The following SLC4A4 variants were observed in gnomAD, a reference collection of about 807,000 sequenced individuals.
SLC4A4 encodes solute carrier family 4 member 4, also known as electrogenic sodium bicarbonate cotransporter 1.
A neutral mutation model predicts 111.5 loss-of-function variants in SLC4A4; 27 were observed. The observed-to-expected ratio is 0.24, with a 90% CI of 0.18 to 0.33. The LOEUF is 0.33. Among genes scored for constraint, SLC4A4 ranks in the 10% least tolerant of loss-of-function variants. SLC4A4 has a pLI of 1.00. For missense variants in SLC4A4, 909 were observed against 1,315.5 expected (o/e 0.69, Z 4.78); for synonymous variants, 443 against 463.4 (o/e 0.96, Z 0.57).
intron 3 of SLC4A4, among the ~76,000 whole-genome samples, chr4:71,327,337 G>A (rs534509694): frequency 2.6e-5 from 4 of 151,968 alleles, no homozygotes; most frequent in South Asian, 4.2e-4. Context: ...CAATCTGATC[G>A]TGTTTTCCTT....
intron 2 of SLC4A4, among the ~76,000 whole-genome samples, chr4:71,147,971 T>G (rs1014370817): frequency 5.9e-5 from 9 of 152,072 alleles, no homozygotes; most frequent in African/African-American, 2.2e-4. Flanking sequence ...TGAGCAAGAT[T>G]TAGTGTTTTC....
chr4:71,217,301 C>T (rs1309300779), intron 1 of SLC4A4, among the ~76,000 whole-genome samples: 6 of 152,066 alleles, frequency 3.9e-5, no homozygotes, highest in African/African-American at 1.4e-4. Flanking sequence ...GGTGTGGTGG[C>T]TCACGCCTGT....
intron 16 of SLC4A4, among the ~76,000 whole-genome samples, chr4:71,508,628 A>AC (rs1290357432): frequency 6.6e-6 from 1 of 152,124 alleles, no homozygotes; most frequent in East Asian, 1.9e-4. Context: ...TAGCCCAACA[A>AC]CCCGAAAAAG....
chr4:71,343,870 G>A (rs1729093872), intron 4 of SLC4A4, among the ~76,000 whole-genome samples: 1 of 152,040 alleles, frequency 6.6e-6, no homozygotes. Context: ...AATCTGTCAG[G>A]AACTTTGGAC....
intron 4 of SLC4A4, among the ~76,000 whole-genome samples, chr4:71,343,164 G>A (rs963046112): frequency 2.6e-5 from 4 of 152,062 alleles, no homozygotes; most frequent in Admixed American, 6.6e-5. Context: ...ATGTGTGATT[G>A]GTTGAGAACT....
At chr4:71,176,966 T>G (rs1025580418) in intron 2 of SLC4A4, among the ~76,000 whole-genome samples, 2 of 152,200 alleles carry the variant, frequency 1.3e-5, no homozygotes, top group Admixed American at 1.3e-4. Context: ...CCCATCAGAC[T>G]AACAGCTGAT....
intron 6 of SLC4A4, among the ~76,000 whole-genome samples, chr4:71,361,903 A>G (rs902637848): frequency 6.6e-6 from 1 of 152,206 alleles, no homozygotes; most frequent in Non-Finnish European, 1.5e-5. Flanking sequence ...GATGTTTATG[A>G]CAAGCATAAC....
At chr4:71,212,717 T>G (rs1156770414) in intron 1 of SLC4A4, among the ~76,000 whole-genome samples, 1 of 152,028 alleles carries the variant, frequency 6.6e-6, no homozygotes, top group African/African-American at 2.4e-5. Context: ...GGGTAGCAGG[T>G]TTAGTTTTGG....
At chr4:71,470,011 A>T (rs1371554370) in intron 13 of SLC4A4, among the ~76,000 whole-genome samples, 1 of 152,056 alleles carries the variant, frequency 6.6e-6, no homozygotes, top group African/African-American at 2.4e-5. Context: ...GAACAAATCA[A>T]GATTGCTCTT....
chr4:71,403,855 A>G (rs1307389480), intron 7 of SLC4A4, among the ~76,000 whole-genome samples: 3 of 152,110 alleles, frequency 2.0e-5, no homozygotes, highest in East Asian at 1.9e-4. Context: ...AATGTGTTGG[A>G]TCGTCTGGTG....
chr4:71,070,109 C>A (rs969082774), intron 1 of SLC4A4, among the ~76,000 whole-genome samples: 1 of 152,122 alleles, frequency 6.6e-6, no homozygotes, highest in Non-Finnish European at 1.5e-5. Flanking sequence ...TAGAGTCTAG[C>A]AAACTGAGTG....
chr4:71,489,670 C>T (rs193028450), intron 15 of SLC4A4, among the ~76,000 whole-genome samples: 49 of 151,824 alleles, frequency 3.2e-4, no homozygotes, highest in Admixed American at 9.9e-4. Flanking sequence ...TTGCGTCCTC[C>T]GTCTGCTTGG....
intron 2 of SLC4A4, among the ~76,000 whole-genome samples, chr4:71,171,270 G>A (rs1194077767): frequency 6.6e-6 from 1 of 152,060 alleles, no homozygotes. Context: ...GTGGAGAGGA[G>A]AGTGTGGATG....
intron 2 of SLC4A4, among the ~76,000 whole-genome samples, chr4:71,248,894 G>A (rs888456377): frequency 6.6e-6 from 1 of 152,158 alleles, no homozygotes; most frequent in Non-Finnish European, 1.5e-5. Flanking sequence ...GAAGACAGAT[G>A]CATACGTTTG....
intron 11 of SLC4A4, 136 bp from the exon 12 acceptor site, chr4:71,453,359 G>GT: frequency 1.1e-6 from 1 of 894,152 alleles, no homozygotes; most frequent in South Asian, 1.4e-5. Flanking sequence ...TGGTTTCATC[G>GT]TAAGTGGTTA....
Position 71,476,743 on chromosome 4 carries a change from A to G in SLC4A4, c.1903+3773A>G, listed in dbSNP as rs1728407028. Among the ~76,000 whole-genome samples the G allele has an allele frequency of 4.6e-5, 7 of 151,618 alleles. 1 individual carries two copies. The highest frequency in any genetic ancestry group is 4.0e-4 in the Admixed American group (6 of 15,176). ...TTTTGCTCCCAACTACTGCTTGGTAACCCAAGTCACATACATAGGTTTACT... is the reference window on the plus strand; with the variant it reads ...TTTTGCTCCCAACTACTGCTTGGTAGCCCAAGTCACATACATAGGTTTACT... On this transcript the variant is annotated intron_variant, in intron 14 of 25. Transcript: ENST00000264485.
intron 13 of SLC4A4, among the ~76,000 whole-genome samples, 156 bp from the exon 14 acceptor site, chr4:71,472,542 TA>T (rs1727980541): frequency 6.6e-6 from 1 of 152,024 alleles, no homozygotes; most frequent in African/African-American, 2.4e-5. Context: ...ACTAAATTCT[TA>T]AACTTAGTGC....
At chr4:71,288,432 A>G (rs115182014) in intron 3 of SLC4A4, among the ~76,000 whole-genome samples, 2,293 of 151,554 alleles carry the variant, frequency 0.015, 50 homozygotes, top group African/African-American at 0.053. Context: ...AGAGTTTCAC[A>G]CTGCCGCCCA....
chr4:71,504,562 A>G (rs973622475), intron 16 of SLC4A4, among the ~76,000 whole-genome samples: 4 of 150,132 alleles, frequency 2.7e-5, no homozygotes, highest in African/African-American at 9.7e-5. Flanking sequence ...ATTCTATAGT[A>G]TCTCTCTGAG....
Sources: allele counts gnomAD v4.1 joint callset (sites outside exome capture counted in the v4.1 genomes callset), GRCh38; gene constraint gnomAD v4.1.1; transcripts MANE v1.5; gene names NCBI Gene and HGNC (gene_info 2026-07-23, HGNC 2026-07-21).